Variants in NHSL2 observed in about 807,000 individuals in gnomAD.
NHSL2 encodes NHS like 2.
In NHSL2, 27 loss-of-function variants were observed where a neutral mutation model predicts 53.4. The ratio of observed to expected loss-of-function variants is 0.51; its 90% CI spans 0.37 to 0.70. NHSL2 has a LOEUF of 0.70. Among genes scored for constraint, NHSL2 ranks in the 30% least tolerant of loss-of-function variants. The pLI is 0.00. For synonymous variants in NHSL2, 408 were observed against 404.1 expected (o/e 1.01, Z -0.12); for missense variants, 892 against 980.1 (o/e 0.91, Z 1.20).
rs779732468 is a variant in NHSL2, at chrX:72,131,309, C to A, written c.281-770C>A. The A allele has an allele frequency of 8.3e-7, 1 of 1,200,493 alleles. No homozygotes were observed. The highest frequency in any genetic ancestry group is 1.8e-5 in the South Asian group (1 of 55,097). On this transcript the variant is annotated intron_variant, in intron 1 of 7. Coordinates refer to ENST00000633930, the MANE Select transcript of NHSL2 (RefSeq NM_001013627.3). Reference sequence around the variant, plus strand: ...AAGGGCAGTTCTCCCCCGGGAATGACTTCGATCTCACTGAGCGCGAACTCC... The same window carrying A: ...AAGGGCAGTTCTCCCCCGGGAATGAATTCGATCTCACTGAGCGCGAACTCC...
rs763020405 is a variant in NHSL2, at chrX:72,048,948, CT to C, written c.281-83130del. On this transcript the variant is annotated intron_variant, in intron 1 of 7. Transcript: ENST00000633930. The stretch of plus-strand genomic sequence containing the variant: ...AAGTTATAGTGAGTTATGCTTGCCC[CT>C]GTCTGTAAAAATGAGGAAGAAGGAG... Among the ~76,000 whole-genome samples the C allele has an allele frequency of 4.0e-5, 4 of 98,883 alleles. No individual in the cohort carries two copies. The South Asian group carries it at 1.9e-3, about 47-fold the overall frequency. The allele number at this position is 98,883 out of a possible 115,157, so 85.9% of individuals were successfully genotyped here.
At chrX:72,059,945 TATG>T (rs1199326368) in intron 1 of NHSL2, among the ~76,000 whole-genome samples, 2 of 111,965 alleles carry the variant, frequency 1.8e-5, no homozygotes, top group Non-Finnish European at 3.8e-5. Context: ...TATCAGCGGT[TATG>T]AAGCTTTACT....
intron 1 of NHSL2, among the ~76,000 whole-genome samples, chrX:72,115,141 C>T (rs1569481429): frequency 9.0e-6 from 1 of 111,169 alleles, no homozygotes; most frequent in Non-Finnish European, 1.9e-5. Flanking sequence ...AACTCCATGT[C>T]CCAACTTCTT....
In NHSL2 at chrX:72,017,789, T is replaced by C. The variant is rs766923085; in HGVS notation, c.280+106422T>C. ...CTCAGATAGAAGGCAGAATCAATTG[T>C]AGTAGATACCTGAGTAGAAGTACAA... On this transcript the variant is annotated intron_variant, in intron 1 of 7. Transcript: ENST00000633930. 1.9e-4 allele frequency among the ~76,000 whole-genome samples: 22 copies of C among 112,870 alleles called. No homozygotes were observed. In the South Asian group the frequency reaches 7.3e-3, roughly 37 times the overall value.
intron 1 of NHSL2, among the ~76,000 whole-genome samples, chrX:72,007,550 AG>A (rs2042099508): frequency 8.8e-6 from 1 of 113,206 alleles, no homozygotes; most frequent in Non-Finnish European, 1.9e-5. Flanking sequence ...CTCTTGCCAA[AG>A]AAAGGTGGGC....
chrX:72,142,360 C>T lies in NHSL2; in HGVS notation c.3352C>T (p.His1118Tyr), dbSNP rs772090217. ...AACTGAAGATTTATTTACTGTGATA[C>T]ACAGGTCTGCACCAATTTCCTTAAT... ...RTTEDLFTVI[H>Y]RSKRKLLGWK... Residue 1118 changes from histidine (H) to tyrosine (Y), a missense_variant, in exon 7 of 8, where the codon CAC becomes TAC. His to Tyr is a moderately conservative substitution (Grantham distance 83, BLOSUM62 2). Coordinates refer to ENST00000633930, the MANE Select transcript of NHSL2 (RefSeq NM_001013627.3). The T allele has an allele frequency of 3.5e-6, 4 of 1,137,659 alleles. No homozygotes were observed. In the South Asian group the frequency reaches 8.5e-5, roughly 24 times the overall value. The allele number at this position is 1,137,659 out of a possible 1,213,427, so 93.8% of individuals were successfully genotyped here.
chrX:72,109,691 ACTC>A (rs1321380885), intron 1 of NHSL2, among the ~76,000 whole-genome samples: 1 of 109,656 alleles, frequency 9.1e-6, no homozygotes, highest in African/African-American at 3.3e-5. Context: ...CTGGTCTCGA[ACTC>A]CTGACCTCAT....
At chrX:71,954,874 T>G (rs1263949424) in intron 1 of NHSL2, among the ~76,000 whole-genome samples, 2 of 112,406 alleles carry the variant, frequency 1.8e-5, no homozygotes, top group Non-Finnish European at 1.9e-5. Context: ...ATACCACTGC[T>G]TTTGTCCCCA....
chrX:72,126,018 C>T (rs1456296117), intron 1 of NHSL2, among the ~76,000 whole-genome samples: 1 of 111,997 alleles, frequency 8.9e-6, no homozygotes, highest in Non-Finnish European at 1.9e-5. Context: ...TGGAGTCCCC[C>T]ATATGACCTA....
chrX:72,092,689 T>C (rs2041909012), intron 1 of NHSL2, among the ~76,000 whole-genome samples: 2 of 110,939 alleles, frequency 1.8e-5, no homozygotes, highest in Admixed American at 1.9e-4. Flanking sequence ...GAGGGAGGCA[T>C]GGGGAACATT....
intron 1 of NHSL2, among the ~76,000 whole-genome samples, chrX:72,087,034 G>T (rs1044176074): frequency 2.7e-5 from 3 of 111,606 alleles, no homozygotes; most frequent in Non-Finnish European, 3.8e-5. Context: ...CTGGGCTGGG[G>T]GTCATCCCAG....
intron 1 of NHSL2, among the ~76,000 whole-genome samples, chrX:72,080,571 C>CGTGTGTGTGT (rs10580313): frequency 0.028 from 2,716 of 97,081 alleles, 111 homozygotes; most frequent in East Asian, 0.18. Flanking sequence ...GAATTCTGCA[C>CGTGTGTGTGT]GTGTGTGTGT....
intron 4 of NHSL2, 129 bp downstream of exon 4, chrX:72,134,833 G>A (rs1002830430): frequency 1.2e-5 from 6 of 517,787 alleles, no homozygotes; most frequent in Middle Eastern, 4.3e-4. Flanking sequence ...GCGCTGTCAC[G>A]GTCATGGCTC....
In NHSL2 at chrX:72,026,247, C is replaced by T. The variant is rs947006418; in HGVS notation, c.281-105832C>T. On this transcript the variant is annotated intron_variant, in intron 1 of 7. Transcript: ENST00000633930. ...GGGGAGCTTTTGAAATGGCGCTGCCCAGGCCTCATCCCAGACTATTGGAAT... is the reference window on the plus strand; with the variant it reads ...GGGGAGCTTTTGAAATGGCGCTGCCTAGGCCTCATCCCAGACTATTGGAAT... Among the ~76,000 whole-genome samples, 15 of 111,998 alleles carry T rather than the reference C, an allele frequency of 1.3e-4. 1 individual carries two copies. Among genetic ancestry groups the T allele is most frequent in the Non-Finnish European group, 2.4e-4 (13 of 53,194 alleles).
At chrX:72,077,066 G>A (rs2041749643) in intron 1 of NHSL2, among the ~76,000 whole-genome samples, 1 of 110,549 alleles carries the variant, frequency 9.0e-6, no homozygotes, top group Non-Finnish European at 1.9e-5. Context: ...GGTGCTCTTT[G>A]GGCCCTTTAA....
intron 1 of NHSL2, among the ~76,000 whole-genome samples, chrX:71,981,948 C>G (rs909249821): frequency 9.0e-6 from 1 of 111,588 alleles, no homozygotes. Context: ...CCCAGGTTAC[C>G]GTATGACCCA....
At position 72,137,862 on chromosome X, in the gene NHSL2, A is replaced by G. The variant is rs2042371954; in HGVS notation, c.893-579A>G. ...ATAATAATAATAATAATGACATGACAGTATTAATTGTTTGTGTGTATGAGA... is the reference window on the plus strand; with the variant it reads ...ATAATAATAATAATAATGACATGACGGTATTAATTGTTTGTGTGTATGAGA... On this transcript the variant is annotated intron_variant, in intron 5 of 7. Transcript: ENST00000633930. 2.7e-5 allele frequency among the ~76,000 whole-genome samples: 3 copies of G among 112,151 alleles called. No individual in the cohort carries two copies. In the Admixed American group the frequency reaches 2.8e-4, roughly 11 times the overall value.
intron 1 of NHSL2, among the ~76,000 whole-genome samples, chrX:72,093,189 C>G (rs1042498845): frequency 1.8e-5 from 2 of 112,472 alleles, no homozygotes; most frequent in Non-Finnish European, 3.8e-5. Flanking sequence ...AAGGAAAAAG[C>G]CTTTTATTTC....
At chrX:71,961,640 T>C (rs2041868147) in intron 1 of NHSL2, among the ~76,000 whole-genome samples, 1 of 111,248 alleles carries the variant, frequency 9.0e-6, no homozygotes, top group Non-Finnish European at 1.9e-5. Context: ...GGTAGGTTTT[T>C]ATTTTATGCC....
Sources: allele counts gnomAD v4.1 joint callset (sites outside exome capture counted in the v4.1 genomes callset), GRCh38; gene constraint gnomAD v4.1.1; transcripts MANE v1.5; gene names NCBI Gene and HGNC (gene_info 2026-07-23, HGNC 2026-07-21).